Variants in ZNF397 observed in about 807,000 individuals in gnomAD.
ZNF397 encodes zinc finger protein 397.
ZNF397 carries 38 observed loss-of-function variants against 50.6 expected under a neutral mutation model. That is an observed-to-expected ratio of 0.75 (90% CI 0.58 to 0.98). The LOEUF (loss-of-function observed/expected upper bound fraction) is 0.98. Ranked by LOEUF, ZNF397 falls within the 50% of genes least tolerant of loss-of-function variation. The probability of loss-of-function intolerance (pLI) is 0.00; values close to 1 mark genes in which losing one functional copy is unlikely to be tolerated. For missense variants in ZNF397, 624 were observed against 624.1 expected (o/e 1.00, Z 0.00); for synonymous variants, 228 against 215.2 (o/e 1.06, Z -0.52).
At chr18:35,253,533 G>A (rs766036691), downstream of ZNF397, 4 of 1,613,780 alleles carry the variant, frequency 2.5e-6, no homozygotes, top group South Asian at 2.2e-5. Flanking sequence ...CATTCATAAG[G>A]CTTCTCTCCA....
intron 5 of ZNF397, among the ~76,000 whole-genome samples, chr18:35,257,766 T>C (rs536411944): frequency 2.0e-5 from 3 of 152,284 alleles, no homozygotes; most frequent in East Asian, 1.9e-4. Flanking sequence ...TCCACCTTCA[T>C]TGCCCCATCT....
Position 35,242,519 on chromosome 18 carries a change from C to G in ZNF397, c.49C>G (p.Pro17Ala), listed in dbSNP as rs752837621. The G allele has an allele frequency of 1.2e-6, 2 of 1,614,006 alleles. No homozygotes were observed. Among genetic ancestry groups the G allele is most frequent in the African/African-American group, 2.7e-5 (2 of 74,916 alleles). The change falls in exon 2 of 4, where the codon CCG becomes GCG. Residue 17 changes from proline (P) to alanine (A), a missense_variant. Physicochemically the swap from Pro to Ala is conservative, Grantham distance 27. Transcript: ENST00000330501. ...TTCAACCCTGATACCTCAGGATCCT[C>G]CGGAACAAGAACTAATACTAGTGAA... Reference protein sequence around the residue: ...VISTLIPQDPPEQELILVKVE... With the variant: ...VISTLIPQDPAEQELILVKVE...
chr18:35,242,083 C>G (rs1329648131), intron 1 of ZNF397, among the ~76,000 whole-genome samples: 2 of 152,120 alleles, frequency 1.3e-5, no homozygotes, highest in African/African-American at 4.8e-5. Flanking sequence ...GACTTTTCTC[C>G]TTGATACAAT....
In ZNF397 at chr18:35,246,270, C is replaced by A; in HGVS notation, c.1565C>A (p.Ser522Ter). The A allele has an allele frequency of 6.4e-7, 1 of 1,551,774 alleles. No homozygotes were observed. Among genetic ancestry groups the A allele is most frequent in the South Asian group, 1.2e-5 (1 of 83,992 alleles). Residue 522 changes from serine to a stop codon, truncating the protein, a stop_gained, in exon 4 of 4, where the codon TCG becomes TAG. Coordinates refer to ENST00000330501, the MANE Select transcript of ZNF397 (RefSeq NM_001135178.3). LOFTEE classifies it high-confidence loss of function. ...NECGKAFRHR[S>*]VLMRHQRVHT... is the part of the protein sequence containing the mutation. ...TGTGGGAAGGCTTTCAGGCACAGAT[C>A]GGTCCTTATGCGCCATCAAAGAGTC...
At chr18:35,242,934 A>G (rs769643210) in intron 2 of ZNF397, 50 bp downstream of exon 2, 1 of 1,552,892 alleles carries the variant, frequency 6.4e-7, no homozygotes, top group African/African-American at 1.4e-5. Flanking sequence ...AGCCTGGAGC[A>G]TGTAATGGTA....
chr18:35,258,334 A>C (rs1306171525), exon 6 of ZNF397: 1 of 211,982 alleles, frequency 4.7e-6, no homozygotes, highest in African/African-American at 2.3e-5. Context: ...ATGGTGACTG[A>C]GTCAACAACA....
Position 35,246,347 on chromosome 18 carries a change from A to C in ZNF397, c.*37A>C, listed in dbSNP as rs1392396157. On this transcript the variant is annotated 3_prime_UTR_variant, in exon 4 of 4. Coordinates refer to ENST00000330501, the MANE Select transcript of ZNF397 (RefSeq NM_001135178.3). The stretch of plus-strand genomic sequence containing the variant: ...TGTGAATAGTGTAAATACTTCAGTC[A>C]GATTTTTAAGTTTGTTAGTCAAAAG... 2 of 1,477,006 alleles carry C rather than the reference A, an allele frequency of 1.4e-6. No individual in the cohort carries two copies. Among genetic ancestry groups the C allele is most frequent in the Admixed American group, 2.7e-5 (1 of 36,568 alleles). The allele number at this position is 1,477,006 out of a possible 1,614,324, so 91.5% of individuals were successfully genotyped here.
At chr18:35,243,123 C>A (rs774141221) in intron 2 of ZNF397, 29 bp from the exon 3 acceptor site, 7 of 1,611,676 alleles carry the variant, frequency 4.3e-6, no homozygotes, top group South Asian at 1.1e-5. Flanking sequence ...GATTTTCTCA[C>A]AAAGCTAACC....
chr18:35,254,051 TCAACG>T (rs761566095), downstream of ZNF397: 6 of 1,614,140 alleles, frequency 3.7e-6, no homozygotes, highest in African/African-American at 1.3e-5. Flanking sequence ...TTCCCTAGTG[TCAACG>T]CTCTGTTGTG....
downstream of ZNF397, among the ~76,000 whole-genome samples, chr18:35,250,199 T>TAATA: frequency 6.6e-6 from 1 of 152,124 alleles, no homozygotes. Context: ...GATCTTTGAT[T>TAATA]ATTAGAGTTT....
chr18:35,243,221 T>G lies in ZNF397; in HGVS notation c.484T>G (p.Ser162Ala), dbSNP rs1322208271. Reference protein sequence around the residue: ...DLTCLRASQESTDIHLQPLKT... With the variant: ...DLTCLRASQEATDIHLQPLKT... Reference sequence around the variant, plus strand: ...AACATGTCTCAGAGCATCCCAAGAGTCAACAGACATCCACCTCCAGCCCTT... The same window carrying G: ...AACATGTCTCAGAGCATCCCAAGAGGCAACAGACATCCACCTCCAGCCCTT... The change falls in exon 3 of 4, where the codon TCA becomes GCA. Residue 162 changes from serine (S) to alanine (A), a missense_variant. Physicochemically the swap from Ser to Ala is moderately conservative, Grantham distance 99. Coordinates refer to ENST00000330501, the MANE Select transcript of ZNF397 (RefSeq NM_001135178.3). 1.2e-6 allele frequency: 2 copies of G among 1,613,986 alleles called. No homozygotes were observed. The highest frequency in any genetic ancestry group is 2.2e-5 in the East Asian group (1 of 44,860).
At position 35,247,985 on chromosome 18, in the gene ZNF397, T is replaced by C. The variant is rs1488803168; in HGVS notation, c.*1675T>C. ...GCGCCCAACCATCTTTTGCAAATTT[T>C]ATTAAAGACAATGCTAAAAGGAAGT... On this transcript the variant is annotated 3_prime_UTR_variant, in exon 4 of 4. Transcript: ENST00000330501. The C allele has an allele frequency of 1.3e-5, 2 of 152,212 alleles. No homozygotes were observed. The highest frequency in any genetic ancestry group is 1.5e-5 in the Non-Finnish European group (1 of 68,036). 9.4% of individuals were successfully genotyped at this position (152,212 alleles called of 1,614,324 possible).
chr18:35,251,259 G>A (rs1012776237), downstream of ZNF397: 2 of 152,164 alleles, frequency 1.3e-5, no homozygotes, highest in Non-Finnish European at 2.9e-5. Context: ...CATTGGGATT[G>A]GGGGTGGTTT....
chr18:35,253,638 TTTGATGTTCAA>T, downstream of ZNF397: 1 of 1,614,224 alleles, frequency 6.2e-7, no homozygotes, highest in Non-Finnish European at 8.5e-7. Flanking sequence ...GTGTGAATTC[TTTGATGTTCAA>T]TAAGGATAGA....
Position 35,242,446 on chromosome 18 carries a change from T to G in ZNF397, c.-25T>G. On this transcript the variant is annotated 5_prime_UTR_variant, in exon 2 of 4. Coordinates refer to ENST00000330501, the MANE Select transcript of ZNF397 (RefSeq NM_001135178.3). ...AGCACAGAACCAGTTGTACTGAGCT[T>G]TTTGCTAAGCTGTTTCAGCCAAGAA... 1 of 1,598,322 alleles carries G rather than the reference T, an allele frequency of 6.3e-7. No homozygotes were observed. Among genetic ancestry groups the G allele is most frequent in the African/African-American group, 1.3e-5 (1 of 74,434 alleles).
At chr18:35,259,045 T>C (rs995800901), downstream of ZNF397, 2 of 153,898 alleles carry the variant, frequency 1.3e-5, no homozygotes, top group South Asian at 2.0e-4. Flanking sequence ...ATAGTATGTT[T>C]ACTAGGGTTT....
chr18:35,253,324 C>T, downstream of ZNF397: 1 of 680,592 alleles, frequency 1.5e-6, no homozygotes, highest in Non-Finnish European at 2.4e-6. Flanking sequence ...TGCATGTCTT[C>T]TTATAGTACC....
downstream of ZNF397, among the ~76,000 whole-genome samples, chr18:35,250,882 G>C (rs530152096): frequency 4.6e-5 from 7 of 152,246 alleles, no homozygotes; most frequent in East Asian, 1.4e-3. Flanking sequence ...CCTCACTTTG[G>C]TTAACTGCAG....
In ZNF397 at chr18:35,249,025, C is replaced by G. The variant is rs1301066939; in HGVS notation, c.*2715C>G. 2 of 152,020 alleles carry G rather than the reference C, an allele frequency of 1.3e-5. No individual in the cohort carries two copies. The highest frequency in any genetic ancestry group is 4.8e-5 in the African/African-American group (2 of 41,390). The allele number at this position is 152,020 out of a possible 1,614,324, so 9.4% of individuals were successfully genotyped here. A position where few individuals can be genotyped will look rare whatever the true frequency, so the allele number is the denominator to read the frequency against. ...CTGACTGTGGAGCCACTTCAGTATA[C>G]TCTCTCCCCATAAGAAAGTTCCAAT... On this transcript the variant is annotated 3_prime_UTR_variant, in exon 4 of 4. Coordinates refer to ENST00000330501, the MANE Select transcript of ZNF397 (RefSeq NM_001135178.3).
Sources: allele counts gnomAD v4.1 joint callset (sites outside exome capture counted in the v4.1 genomes callset), GRCh38; gene constraint gnomAD v4.1.1; transcripts MANE v1.5; gene names NCBI Gene and HGNC (gene_info 2026-07-23, HGNC 2026-07-21).